WWP1: variants seen among roughly 807,000 people sequenced by gnomAD.
WWP1 encodes NEDD4-like E3 ubiquitin-protein ligase WWP1.
WWP1 carries 49 observed loss-of-function variants against 130.6 expected under a neutral mutation model. That is an observed-to-expected ratio of 0.38 (90% CI 0.30 to 0.48). The LOEUF (loss-of-function observed/expected upper bound fraction) is 0.48. WWP1 is among the 20% of genes least tolerant of loss of function. WWP1 has a pLI of 0.99. For synonymous variants in WWP1, 332 were observed against 367.8 expected (o/e 0.90, Z 1.11); for missense variants, 809 against 1,100.6 (o/e 0.74, Z 3.75).
intron 22 of WWP1, among the ~76,000 whole-genome samples, chr8:86,459,023 C>CTTTT (rs71275853): frequency 3.7e-4 from 31 of 84,244 alleles, no homozygotes; most frequent in East Asian, 1.6e-3. Context: ...TTTCTTTTTT[C>CTTTT]TTTTTTTTTT....
intron 9 of WWP1, among the ~76,000 whole-genome samples, chr8:86,414,293 G>A (rs1586395698): frequency 6.6e-6 from 1 of 151,820 alleles, no homozygotes; most frequent in South Asian, 2.1e-4. Flanking sequence ...TAGCAATCTG[G>A]TATACACAGA....
At chr8:86,366,229 G>C (rs1276803306) in intron 1 of WWP1, among the ~76,000 whole-genome samples, 1 of 152,158 alleles carries the variant, frequency 6.6e-6, no homozygotes, top group African/African-American at 2.4e-5. Flanking sequence ...TTCAGGATGG[G>C]GCCATATGAG....
intron 14 of WWP1, among the ~76,000 whole-genome samples, chr8:86,433,096 C>A (rs1810078063): frequency 6.6e-6 from 1 of 152,138 alleles, no homozygotes; most frequent in Admixed American, 6.5e-5. Context: ...ATTTGACTTA[C>A]CAGGAACATT....
At chr8:86,439,342 C>CAAAAAAAAAAA (rs59635746) in intron 17 of WWP1, among the ~76,000 whole-genome samples, 13 of 127,066 alleles carry the variant, frequency 1.0e-4, no homozygotes, top group South Asian at 2.8e-4. Context: ...GACGCTGTGT[C>CAAAAAAAAAAA]AAAAAAAAAA....
chr8:86,362,211 CTTCA>C (rs1212899751), intron 1 of WWP1, among the ~76,000 whole-genome samples: 2 of 98,608 alleles, frequency 2.0e-5, no homozygotes, highest in Non-Finnish European at 3.7e-5. Context: ...TACTGGAAAA[CTTCA>C]TTCAAAAAAT....
chr8:86,381,781 A>G, intron 5 of WWP1, 152 bp downstream of exon 5: 2 of 805,242 alleles, frequency 2.5e-6, no homozygotes, highest in Non-Finnish European at 1.8e-6. Flanking sequence ...ATTTTATGAA[A>G]TAGGAAATAT....
intron 18 of WWP1, among the ~76,000 whole-genome samples, chr8:86,447,538 T>C (rs991085484): frequency 1.3e-5 from 2 of 152,176 alleles, no homozygotes; most frequent in African/African-American, 4.8e-5. Flanking sequence ...AGTGCTGGGA[T>C]TACAAGTGTG....
chr8:86,355,787 C>T (rs1034024143), intron 1 of WWP1, among the ~76,000 whole-genome samples: 3 of 152,200 alleles, frequency 2.0e-5, no homozygotes, highest in Non-Finnish European at 4.4e-5. Flanking sequence ...CACAAAACCA[C>T]CTGACGTAAG....
chr8:86,421,027 T>G lies in WWP1; in HGVS notation c.1062-4196T>G, dbSNP rs76053455. 4.9e-3 allele frequency among the ~76,000 whole-genome samples: 742 copies of G among 152,322 alleles called. 4 individuals carry two copies. Among genetic ancestry groups the G allele is most frequent in the South Asian group, 8.9e-3 (43 of 4,832 alleles). On this transcript the variant is annotated intron_variant, in intron 9 of 24. Transcript: ENST00000517970. ...TTGGTAGTTAAGCTTTCATACAGAATAGCCCATTGTTACATGTTAGACATA... is the reference window on the plus strand; with the variant it reads ...TTGGTAGTTAAGCTTTCATACAGAAGAGCCCATTGTTACATGTTAGACATA...
At chr8:86,371,682 T>C (rs1824305376) in intron 2 of WWP1, among the ~76,000 whole-genome samples, 1 of 152,222 alleles carries the variant, frequency 6.6e-6, no homozygotes, top group Non-Finnish European at 1.5e-5. Flanking sequence ...TGTGTTATCT[T>C]TTTCTTATTT....
At chr8:86,422,918 A>C (rs552001697) in intron 9 of WWP1, among the ~76,000 whole-genome samples, 1 of 152,296 alleles carries the variant, frequency 6.6e-6, no homozygotes, top group Non-Finnish European at 1.5e-5. Context: ...AAGAATTTTC[A>C]TGGGGCAGTA....
At position 86,427,701 on chromosome 8, in the gene WWP1, A is replaced by T. The variant is rs770399298; in HGVS notation, c.1216A>T (p.Thr406Ser). The T allele has an allele frequency of 2.0e-5, 33 of 1,613,932 alleles. No individual in the cohort carries two copies. Among genetic ancestry groups the T allele is most frequent in the Non-Finnish European group, 2.7e-5 (32 of 1,179,954 alleles). ...RVYYVDHNTR[T>S]TTWQRPTMES... Reference sequence around the variant, plus strand: ...TTATTATGTGGATCATAACACCAGAACAACAACGTGGCAGCGGCCTACCAT... The same window carrying T: ...TTATTATGTGGATCATAACACCAGATCAACAACGTGGCAGCGGCCTACCAT... Residue 406 changes from threonine (T) to serine (S), a missense_variant, in exon 11 of 25, where the codon ACA (threonine) becomes TCA (serine). This residue lies in a region of WWP1 where 450 missense variants were observed against 674.2 expected (regional missense o/e 0.67). Coordinates refer to ENST00000517970, the MANE Select transcript of WWP1 (RefSeq NM_007013.4).
chr8:86,354,361 C>G (rs751558280), intron 1 of WWP1, among the ~76,000 whole-genome samples: 23 of 152,046 alleles, frequency 1.5e-4, no homozygotes, highest in Non-Finnish European at 2.6e-4. Context: ...GTTTGTTTGG[C>G]AAATGCTTGT....
intron 5 of WWP1, among the ~76,000 whole-genome samples, chr8:86,388,706 A>G (rs147823010): frequency 2.0e-5 from 3 of 152,264 alleles, no homozygotes; most frequent in African/African-American, 7.2e-5. Flanking sequence ...TTTTCACAAA[A>G]TCATTTCTTT....
intron 5 of WWP1, among the ~76,000 whole-genome samples, chr8:86,384,340 T>C (rs1825163447): frequency 6.6e-6 from 1 of 152,138 alleles, no homozygotes; most frequent in African/African-American, 2.4e-5. Context: ...CCTTTTACAA[T>C]AGAAGACATT....
intron 1 of WWP1, among the ~76,000 whole-genome samples, chr8:86,365,190 G>A (rs1221316210): frequency 1.3e-5 from 2 of 152,108 alleles, no homozygotes; most frequent in African/African-American, 2.4e-5. Flanking sequence ...GGGTGATAAC[G>A]AATAGTAAGA....
At position 86,431,500 on chromosome 8, in the gene WWP1, T is replaced by C; in HGVS notation, c.1472+10T>C. 6.2e-7 allele frequency: 1 copy of C among 1,612,570 alleles called. No homozygotes were observed. The highest frequency in any genetic ancestry group is 8.5e-7 in the Non-Finnish European group (1 of 1,179,324). ...ATCCAAGAACTCAAGGGTATGTATATACAGCAGCCTTAAGTCGTCTTGCAT... is the reference window on the plus strand; with the variant it reads ...ATCCAAGAACTCAAGGGTATGTATACACAGCAGCCTTAAGTCGTCTTGCAT... On this transcript the variant is annotated intron_variant, in intron 13 of 24. Coordinates refer to ENST00000517970, the MANE Select transcript of WWP1 (RefSeq NM_007013.4).
intron 5 of WWP1, among the ~76,000 whole-genome samples, chr8:86,393,440 G>T (rs904358147): frequency 6.6e-6 from 1 of 152,034 alleles, no homozygotes. Flanking sequence ...TAGAGGCAGG[G>T]TTTCTCTGTG....
Position 86,438,631 on chromosome 8 carries a change from T to C in WWP1, c.1796T>C (p.Ile599Thr), listed in dbSNP as rs1254795575. 1 of 1,608,382 alleles carries C rather than the reference T, an allele frequency of 6.2e-7. No homozygotes were observed. Among genetic ancestry groups the C allele is most frequent in the Non-Finnish European group, 8.5e-7 (1 of 1,178,666 alleles). ...PYDLRRRLYV[I>T]FRGEEGLDYG... is the part of the protein sequence containing the mutation. ...GACTTGAGGAGGCGCTTATATGTAA[T>C]ATTTAGAGGAGAAGAAGGACTTGAT... is the stretch of plus-strand genomic sequence containing the variant. The change falls in exon 17 of 25, where the codon ATA becomes ACA. Residue 599 changes from isoleucine to threonine, a missense_variant. Coordinates refer to ENST00000517970, the MANE Select transcript of WWP1 (RefSeq NM_007013.4).
Sources: allele counts gnomAD v4.1 joint callset (sites outside exome capture counted in the v4.1 genomes callset), GRCh38; gene constraint gnomAD v4.1.1; regional missense constraint gnomAD v4.1.1; transcripts MANE v1.5; gene names NCBI Gene and HGNC (gene_info 2026-07-23, HGNC 2026-07-21).